ERC2: variants seen among roughly 807,000 people sequenced by gnomAD.
ERC2 encodes ELKS/RAB6-interacting/CAST family member 2.
ERC2 carries 42 observed loss-of-function variants against 114.8 expected under a neutral mutation model. The observed-to-expected ratio is 0.37, with a 90% CI of 0.29 to 0.47. The LOEUF is 0.47. Among genes scored for constraint, ERC2 ranks in the 20% least tolerant of loss-of-function variants. The pLI, the probability that ERC2 is intolerant of heterozygous loss-of-function variation, is 0.99. For synonymous variants in ERC2, 454 were observed against 425.5 expected (o/e 1.07, Z -0.82); for missense variants, 939 against 1,150.7 (o/e 0.82, Z 2.66).
intron 11 of ERC2, among the ~76,000 whole-genome samples, chr3:55,989,651 A>C (rs893097446): frequency 6.6e-6 from 1 of 152,162 alleles, no homozygotes; most frequent in Non-Finnish European, 1.5e-5. Flanking sequence ...AATCCTGATT[A>C]GATTCTTATG....
At chr3:55,930,451 A>G (rs1388165637) in intron 13 of ERC2, among the ~76,000 whole-genome samples, 3 of 152,136 alleles carry the variant, frequency 2.0e-5, no homozygotes, top group Non-Finnish European at 4.4e-5. Context: ...ATAACACCAC[A>G]CATCTACAAC....
intron 14 of ERC2, among the ~76,000 whole-genome samples, chr3:55,885,218 A>G (rs372142262): frequency 6.6e-6 from 1 of 152,242 alleles, no homozygotes; most frequent in South Asian, 2.1e-4. Context: ...CAACTCACCA[A>G]CAATGATAAT....
intron 10 of ERC2, among the ~76,000 whole-genome samples, chr3:55,996,037 A>T (rs1031796059): frequency 6.6e-6 from 1 of 152,242 alleles, no homozygotes; most frequent in Non-Finnish European, 1.5e-5. Context: ...TGGATCTATC[A>T]TACTTTAGAC....
At chr3:55,999,992 A>G (rs930684465) in intron 10 of ERC2, among the ~76,000 whole-genome samples, 1 of 151,818 alleles carries the variant, frequency 6.6e-6, no homozygotes, top group African/African-American at 2.4e-5. Context: ...TAAAGATACA[A>G]TAATTAAAAT....
chr3:56,267,280 T>A (rs555811483), intron 3 of ERC2, among the ~76,000 whole-genome samples: 1 of 152,208 alleles, frequency 6.6e-6, no homozygotes, highest in Admixed American at 6.5e-5. Flanking sequence ...AATATTATTT[T>A]GCTTTTAATA....
chr3:56,298,980 C>G (rs2150363424), intron 2 of ERC2, among the ~76,000 whole-genome samples: 1 of 152,242 alleles, frequency 6.6e-6, no homozygotes, highest in African/African-American at 2.4e-5. Flanking sequence ...GTATCCGCAG[C>G]CTTCAGCCCA....
intron 14 of ERC2, among the ~76,000 whole-genome samples, chr3:55,887,689 A>C (rs865921109): frequency 1.3e-5 from 2 of 152,334 alleles, no homozygotes; most frequent in Middle Eastern, 6.8e-3. Flanking sequence ...TGTGAGAATG[A>C]AACAAGAGTG....
chr3:56,218,343 A>G (rs1304815024), intron 3 of ERC2, among the ~76,000 whole-genome samples: 1 of 152,262 alleles, frequency 6.6e-6, no homozygotes, highest in Non-Finnish European at 1.5e-5. Flanking sequence ...ATGAACAGAC[A>G]CTTCTCAAAA....
At chr3:55,924,627 G>A (rs2065642879) in intron 13 of ERC2, among the ~76,000 whole-genome samples, 1 of 152,074 alleles carries the variant, frequency 6.6e-6, no homozygotes, top group Admixed American at 6.5e-5. Flanking sequence ...ACTCCAAGCA[G>A]AAGGTGGAGT....
At chr3:56,258,974 T>TA (rs1367458687) in intron 3 of ERC2, among the ~76,000 whole-genome samples, 2 of 90,682 alleles carry the variant, frequency 2.2e-5, no homozygotes, top group Non-Finnish European at 5.0e-5. Flanking sequence ...ATTAATTAAT[T>TA]AATTTTTTTT....
chr3:55,513,299 C>T (rs1351573515), intron 17 of ERC2, among the ~76,000 whole-genome samples: 1 of 152,192 alleles, frequency 6.6e-6, no homozygotes, highest in East Asian at 1.9e-4. Context: ...CCCATCTGGC[C>T]TCTCTCTCTG....
chr3:55,747,261 C>G (rs780639474), intron 14 of ERC2, among the ~76,000 whole-genome samples: 15 of 151,928 alleles, frequency 9.9e-5, no homozygotes, highest in Non-Finnish European at 1.9e-4. Context: ...AGGATTGGGA[C>G]TACTAAGAAG....
At chr3:56,106,934 C>T (rs2078695234) in intron 6 of ERC2, among the ~76,000 whole-genome samples, 1 of 152,198 alleles carries the variant, frequency 6.6e-6, no homozygotes, top group Non-Finnish European at 1.5e-5. Context: ...GTGACCTAAT[C>T]ACCACGGTGA....
intron 6 of ERC2, among the ~76,000 whole-genome samples, chr3:56,091,913 T>C (rs904011845): frequency 6.6e-6 from 1 of 152,136 alleles, no homozygotes; most frequent in African/African-American, 2.4e-5. Flanking sequence ...ATAATCCCAC[T>C]TCTGTGTGCT....
At chr3:55,687,863 C>G (rs958639984) in intron 16 of ERC2, among the ~76,000 whole-genome samples, 1 of 152,226 alleles carries the variant, frequency 6.6e-6, no homozygotes, top group Non-Finnish European at 1.5e-5. Flanking sequence ...AAAACAGACA[C>G]ATCTGTAAAG....
intron 1 of ERC2, 97 bp from the exon 2 acceptor site, chr3:56,435,244 A>G: frequency 2.4e-6 from 1 of 408,776 alleles, no homozygotes; most frequent in Non-Finnish European, 4.4e-6. Flanking sequence ...AGATGTACCT[A>G]TGTAGATAGG....
intron 2 of ERC2, among the ~76,000 whole-genome samples, chr3:56,375,145 C>A (rs900860086): frequency 3.3e-5 from 5 of 152,134 alleles, no homozygotes; most frequent in Non-Finnish European, 5.9e-5. Flanking sequence ...AATCTCTCCC[C>A]AAAATCCTTC....
intron 4 of ERC2, among the ~76,000 whole-genome samples, chr3:56,157,256 G>A (rs1000990297): frequency 6.6e-5 from 10 of 152,102 alleles, no homozygotes; most frequent in African/African-American, 2.4e-4. Context: ...TTCTTCCACA[G>A]TAATTTTAGC....
intron 2 of ERC2, among the ~76,000 whole-genome samples, chr3:56,382,703 T>G (rs1204690306): frequency 2.0e-5 from 3 of 152,194 alleles, no homozygotes; most frequent in Non-Finnish European, 4.4e-5. Flanking sequence ...GTGTTCATTC[T>G]CTGGCCACCT....
Sources: gnomAD v4.1 joint callset for allele counts (sites outside exome capture counted in the v4.1 genomes callset) on GRCh38, gnomAD v4.1.1 for gene constraint, MANE v1.5 for transcripts, NCBI Gene and HGNC (gene_info 2026-07-23, HGNC 2026-07-21) for gene names.